The following EPB41L2 variants were observed in gnomAD, a reference collection of about 807,000 sequenced individuals.
The protein encoded by EPB41L2 is band 4.1-like protein 2.
In EPB41L2, 43 loss-of-function variants were observed where a neutral mutation model predicts 113.0. The ratio of observed to expected loss-of-function variants is 0.38; its 90% CI spans 0.30 to 0.49. The LOEUF (loss-of-function observed/expected upper bound fraction) is 0.49, where lower values mean the gene tolerates loss of function less well. EPB41L2 is among the 20% of genes least tolerant of loss of function. The pLI, the probability that EPB41L2 is intolerant of heterozygous loss-of-function variation, is 0.95. For missense variants in EPB41L2, 1,147 were observed against 1,223.4 expected (o/e 0.94, Z 0.93); for synonymous variants, 442 against 436.7 (o/e 1.01, Z -0.15).
chr6:131,022,039 T>C (rs1363715958), intron 1 of EPB41L2, among the ~76,000 whole-genome samples: 1 of 152,152 alleles, frequency 6.6e-6, no homozygotes, highest in Admixed American at 6.5e-5. Flanking sequence ...AATGAAATAA[T>C]TACACAACTC....
intron 3 of EPB41L2, among the ~76,000 whole-genome samples, chr6:130,945,546 G>A (rs558322594): frequency 2.9e-4 from 44 of 152,254 alleles, no homozygotes; most frequent in African/African-American, 1.0e-3. Flanking sequence ...GAAAATGTGA[G>A]CAACTCTAAC....
intron 14 of EPB41L2, chr6:130,870,338 T>A: frequency 6.4e-7 from 1 of 1,550,592 alleles, no homozygotes; most frequent in Non-Finnish European, 8.7e-7. Context: ...CTTAACAGCA[T>A]CCCTGGCTCC....
intron 1 of EPB41L2, among the ~76,000 whole-genome samples, chr6:130,968,569 C>T (rs983058650): frequency 4.6e-5 from 7 of 152,064 alleles, no homozygotes; most frequent in Non-Finnish European, 8.8e-5. Flanking sequence ...CAAGCATATC[C>T]AAATGTTGGC....
intron 13 of EPB41L2, 101 bp from the exon 14 acceptor site, chr6:130,878,351 T>TA (rs941808980): frequency 0.016 from 17,946 of 1,150,860 alleles, 1 homozygote; most frequent in South Asian, 0.019. Context: ...AACTTACGAT[T>TA]AAAAAAAAAA....
chr6:130,891,538 T>C (rs1792888821), intron 10 of EPB41L2, among the ~76,000 whole-genome samples: 1 of 152,162 alleles, frequency 6.6e-6, no homozygotes, highest in African/African-American at 2.4e-5. Context: ...AACCTCCGCC[T>C]CCCGGGTTCG....
At chr6:130,942,332 G>A (rs1264139511) in intron 3 of EPB41L2, among the ~76,000 whole-genome samples, 4 of 152,174 alleles carry the variant, frequency 2.6e-5, no homozygotes, top group Non-Finnish European at 5.9e-5. Flanking sequence ...GAGGTAGGAT[G>A]AGGAAAGCAA....
chr6:130,860,761 C>G (rs1044265626), intron 18 of EPB41L2, among the ~76,000 whole-genome samples: 2 of 152,012 alleles, frequency 1.3e-5, no homozygotes, highest in Non-Finnish European at 2.9e-5. Context: ...GTCTCGATCT[C>G]CTGACCTCAT....
intron 1 of EPB41L2, among the ~76,000 whole-genome samples, chr6:131,019,603 G>A (rs369106784): frequency 8.7e-4 from 132 of 152,204 alleles, no homozygotes; most frequent in Middle Eastern, 3.4e-3. Context: ...GCATTTTCCT[G>A]AATGAATATT....
At chr6:130,853,395 T>C (rs1290644530) in intron 19 of EPB41L2, among the ~76,000 whole-genome samples, 1 of 152,228 alleles carries the variant, frequency 6.6e-6, no homozygotes, top group African/African-American at 2.4e-5. Context: ...TTCTTCCTCC[T>C]GATCGGGACC....
At chr6:130,893,228 T>A (rs921550704) in intron 10 of EPB41L2, among the ~76,000 whole-genome samples, 2 of 152,106 alleles carry the variant, frequency 1.3e-5, no homozygotes, top group African/African-American at 4.8e-5. Context: ...AACCTAAAGG[T>A]ACCCACTAGG....
At chr6:130,966,426 A>AT (rs894783390) in intron 1 of EPB41L2, among the ~76,000 whole-genome samples, 6 of 152,216 alleles carry the variant, frequency 3.9e-5, no homozygotes, top group African/African-American at 1.4e-4. Flanking sequence ...TATGGATAGG[A>AT]TACCTTATAC....
rs760082984 is a variant in EPB41L2, at chr6:130,890,317, C to T, written c.1637G>A (p.Arg546Gln). 8.1e-6 allele frequency: 13 copies of T among 1,611,466 alleles called. No individual in the cohort carries two copies. The highest frequency in any genetic ancestry group is 1.1e-5 in the Non-Finnish European group (13 of 1,178,990). The change falls in exon 11 of 20, where the codon CGG becomes CAG. Residue 546 changes from arginine to glutamine, a missense_variant. Transcript: ENST00000337057. ...APHFERTSSK[R>Q]VSRSLDGAPI... ...ACCTCCATCTAGACTCCTGGAGACC[C>T]GTTTACTAGAAGTGCGCTCAAAGTG...
intron 1 of EPB41L2, among the ~76,000 whole-genome samples, chr6:131,013,045 T>A (rs1033017288): frequency 4.6e-5 from 7 of 152,110 alleles, no homozygotes; most frequent in African/African-American, 1.7e-4. Flanking sequence ...CTAAGCTATT[T>A]CCCCTATCCA....
intron 1 of EPB41L2, among the ~76,000 whole-genome samples, chr6:130,967,005 C>T (rs1775394494): frequency 6.6e-6 from 1 of 152,050 alleles, no homozygotes; most frequent in South Asian, 2.1e-4. Context: ...AGATTGTTCC[C>T]CTAAGTAGTT....
At chr6:131,008,813 C>A (rs1562721986) in intron 1 of EPB41L2, among the ~76,000 whole-genome samples, 1 of 152,166 alleles carries the variant, frequency 6.6e-6, no homozygotes, top group African/African-American at 2.4e-5. Flanking sequence ...GGGCCTGTAG[C>A]CCCTTTGTTT....
intron 4 of EPB41L2, among the ~76,000 whole-genome samples, chr6:130,925,394 G>T (rs968083311): frequency 4.0e-5 from 6 of 151,834 alleles, no homozygotes; most frequent in Non-Finnish European, 7.4e-5. Flanking sequence ...TCACCATGTT[G>T]GCCAGGCTGG....
At chr6:130,874,969 A>C in intron 14 of EPB41L2, among the ~76,000 whole-genome samples, 1 of 152,248 alleles carries the variant, frequency 6.6e-6, no homozygotes, top group East Asian at 1.9e-4. Context: ...ATTTCAAAGC[A>C]TGTGATATTA....
At chr6:130,929,524 G>A (rs1463062557) in intron 3 of EPB41L2, among the ~76,000 whole-genome samples, 2 of 152,140 alleles carry the variant, frequency 1.3e-5, no homozygotes, top group African/African-American at 4.8e-5. Flanking sequence ...GACTTGCCAA[G>A]CTAGCACTCA....
At chr6:130,955,923 C>A in intron 2 of EPB41L2, 71 bp downstream of exon 2, 1 of 1,533,680 alleles carries the variant, frequency 6.5e-7, no homozygotes, top group African/African-American at 1.4e-5. Context: ...TGATCCAAAA[C>A]AAACAAACCC....
Sources: allele counts gnomAD v4.1 joint callset (sites outside exome capture counted in the v4.1 genomes callset), GRCh38; gene constraint gnomAD v4.1.1; transcripts MANE v1.5; gene names NCBI Gene and HGNC (gene_info 2026-07-23, HGNC 2026-07-21).